DTNA: variants seen among roughly 807,000 people sequenced by gnomAD.
The protein encoded by DTNA is dystrophin-related protein 3.
In DTNA, 43 loss-of-function variants were observed where a neutral mutation model predicts 100.7. The observed-to-expected ratio is 0.43, with a 90% CI of 0.33 to 0.55. The LOEUF is 0.55. Among genes scored for constraint, DTNA ranks in the 20% least tolerant of loss-of-function variants. DTNA has a pLI of 0.04. For missense variants in DTNA, 798 were observed against 953.9 expected (o/e 0.84, Z 2.15); for synonymous variants, 349 against 347.9 (o/e 1.00, Z -0.04).
chr18:34,818,324 G>A lies in DTNA; in HGVS notation c.870G>A (p.Thr290=), dbSNP rs758023465. 15 of 1,613,644 alleles carry A rather than the reference G, an allele frequency of 9.3e-6. No homozygotes were observed. Among genetic ancestry groups the A allele is most frequent in the Middle Eastern group, 1.6e-4 (1 of 6,084 alleles). The change falls in exon 8 of 23, where the codon ACG becomes ACA. Residue 290 remains threonine, a synonymous_variant. Coordinates refer to ENST00000444659, the MANE Select transcript of DTNA (RefSeq NM_001386795.1). ...HSNQHQMKEY[T]SWKSPAKKLT... is the part of the protein sequence containing the mutation. ...ACCAGCACCAAATGAAAGAGTACAC[G>A]TCATGGGTAAGGCAAGGTCCAGGCA...
chr18:34,557,456 G>A (rs953759600), intron 1 of DTNA, among the ~76,000 whole-genome samples: 5 of 152,128 alleles, frequency 3.3e-5, no homozygotes, highest in South Asian at 2.1e-4. Context: ...GCGTTTCAGA[G>A]TTTCCCGTTT....
chr18:34,729,776 A>G (rs1377564166), intron 1 of DTNA, among the ~76,000 whole-genome samples: 1 of 152,158 alleles, frequency 6.6e-6, no homozygotes, highest in Non-Finnish European at 1.5e-5. Flanking sequence ...TTCAAGGTGG[A>G]AAGACATAAA....
chr18:34,881,201 T>G (rs2096868379), intron 20 of DTNA, among the ~76,000 whole-genome samples: 1 of 152,140 alleles, frequency 6.6e-6, no homozygotes, highest in African/African-American at 2.4e-5. Context: ...CCTAGAAACT[T>G]CTTCTTGACC....
intron 1 of DTNA, among the ~76,000 whole-genome samples, chr18:34,494,535 G>C (rs1158061224): frequency 6.6e-6 from 1 of 152,150 alleles, no homozygotes; most frequent in East Asian, 1.9e-4. Flanking sequence ...AAAGAGAGAA[G>C]AGGGGTGGCG....
chr18:34,703,959 C>G (rs2146265111), intron 1 of DTNA, among the ~76,000 whole-genome samples: 1 of 152,226 alleles, frequency 6.6e-6, no homozygotes, highest in East Asian at 1.9e-4. Flanking sequence ...TTCTCTTTTT[C>G]TTTCCCCCAA....
intron 8 of DTNA, among the ~76,000 whole-genome samples, chr18:34,819,330 C>A (rs111257309): frequency 9.5e-4 from 145 of 152,226 alleles, no homozygotes; most frequent in African/African-American, 3.2e-3. Flanking sequence ...ACTTCATCAC[C>A]GGTCAGATTC....
At chr18:34,578,588 T>C (rs146783439) in intron 1 of DTNA, among the ~76,000 whole-genome samples, 335 of 152,320 alleles carry the variant, frequency 2.2e-3, no homozygotes, top group African/African-American at 7.9e-3. Flanking sequence ...CTTCTAGCAT[T>C]TGCATAGTTT....
intron 1 of DTNA, among the ~76,000 whole-genome samples, chr18:34,716,321 G>T (rs2084060739): frequency 6.6e-6 from 1 of 152,144 alleles, no homozygotes; most frequent in Non-Finnish European, 1.5e-5. Context: ...CAACACTTTG[G>T]GAGGCCGAGG....
At chr18:34,744,239 T>C (rs961220149) in intron 1 of DTNA, among the ~76,000 whole-genome samples, 1 of 152,148 alleles carries the variant, frequency 6.6e-6, no homozygotes, top group African/African-American at 2.4e-5. Context: ...ACTTTCTAGT[T>C]TCACTAAAAA....
At chr18:34,742,951 A>G (rs563778373) in intron 1 of DTNA, among the ~76,000 whole-genome samples, 4 of 152,182 alleles carry the variant, frequency 2.6e-5, no homozygotes, top group African/African-American at 9.6e-5. Flanking sequence ...GAAGACTGAA[A>G]AAGAAGGCGC....
intron 1 of DTNA, among the ~76,000 whole-genome samples, chr18:34,734,797 G>A (rs777941023): frequency 1.3e-5 from 2 of 152,118 alleles, no homozygotes; most frequent in Non-Finnish European, 2.9e-5. Flanking sequence ...CAGTGAATCA[G>A]AAGTGTCAAA....
chr18:34,497,420 A>C (rs1484915130), intron 1 of DTNA, among the ~76,000 whole-genome samples: 1 of 152,198 alleles, frequency 6.6e-6, no homozygotes, highest in Non-Finnish European at 1.5e-5. Flanking sequence ...ATATAAATTA[A>C]ATGACGTACT....
chr18:34,799,633 T>C (rs1479354829), intron 4 of DTNA, among the ~76,000 whole-genome samples: 1 of 152,216 alleles, frequency 6.6e-6, no homozygotes, highest in Non-Finnish European at 1.5e-5. Flanking sequence ...AAGATGTCCA[T>C]AGAACATTCT....
chr18:34,630,715 C>T (rs1000414197), intron 1 of DTNA, among the ~76,000 whole-genome samples: 1 of 152,048 alleles, frequency 6.6e-6, no homozygotes, highest in Non-Finnish European at 1.5e-5. Flanking sequence ...TCCAAAGTGG[C>T]TAGCTTGGGA....
At position 34,575,342 on chromosome 18, in the gene DTNA, C is replaced by T. The variant is rs534854598; in HGVS notation, c.-2+81828C>T. ...AAGGAAGATTTTACTTGATGTTATA[C>T]GTGATTCTTCAAAACTCTTCATCTA... On this transcript the variant is annotated intron_variant, in intron 1 of 19. Coordinates refer to the DTNA transcript ENST00000283365. Among the ~76,000 whole-genome samples, 4 of 152,216 alleles carry T rather than the reference C, an allele frequency of 2.6e-5. No homozygotes were observed. In the South Asian group the frequency reaches 8.3e-4, roughly 32 times the overall value.
intron 1 of DTNA, among the ~76,000 whole-genome samples, chr18:34,664,012 A>G (rs2075564031): frequency 6.6e-6 from 1 of 152,180 alleles, no homozygotes; most frequent in Non-Finnish European, 1.5e-5. Flanking sequence ...GTTCATTGAT[A>G]TGTTTCAGAT....
At position 34,860,220 on chromosome 18, in the gene DTNA, G is replaced by GTTTTT. The variant is rs55673388; in HGVS notation, c.1646+1847_1646+1851dup. The stretch of plus-strand genomic sequence containing the variant: ...TGCCACCACGCCCGGCTAATTTTTT[G>GTTTTT]TTTTTTTTTTTTTTTTTTTTTTTTT... On this transcript the variant is annotated intron_variant, in intron 16 of 22. Coordinates refer to ENST00000444659, the MANE Select transcript of DTNA (RefSeq NM_001386795.1). 1.6e-3 allele frequency among the ~76,000 whole-genome samples: 127 copies of GTTTTT among 80,280 alleles called. 2 individuals are homozygous for GTTTTT. The highest frequency in any genetic ancestry group is 2.3e-3 in the East Asian group (5 of 2,210). The allele number at this position is 80,280 out of a possible 152,430, so 52.7% of individuals were successfully genotyped here. A position where few individuals can be genotyped will look rare whatever the true frequency, so the allele number is the denominator to read the frequency against.
intron 1 of DTNA, among the ~76,000 whole-genome samples, chr18:34,679,909 A>T (rs1198088886): frequency 6.6e-6 from 1 of 152,152 alleles, no homozygotes; most frequent in Non-Finnish European, 1.5e-5. Context: ...ATGCCATAAT[A>T]CTTCATTCTA....
chr18:34,573,690 G>A (rs1438680044), intron 1 of DTNA, among the ~76,000 whole-genome samples: 1 of 152,108 alleles, frequency 6.6e-6, no homozygotes, highest in East Asian at 1.9e-4. Flanking sequence ...ACCTCATGTA[G>A]GTATCATTTT....
Sources: gnomAD v4.1 joint callset for allele counts (sites outside exome capture counted in the v4.1 genomes callset) on GRCh38, gnomAD v4.1.1 for gene constraint, MANE v1.5 for transcripts, NCBI Gene and HGNC (gene_info 2026-07-23, HGNC 2026-07-21) for gene names.